The following NRG3 variants were observed in gnomAD, a reference collection of about 807,000 sequenced individuals.
NRG3 encodes the protein pro-neuregulin-3, membrane-bound isoform.
Under a neutral mutation model 66.9 loss-of-function variants are expected in NRG3, and 31 were observed. The ratio of observed to expected loss-of-function variants is 0.46; its 90% CI spans 0.35 to 0.63. NRG3 has a LOEUF of 0.63. Among genes scored for constraint, NRG3 ranks in the 20% least tolerant of loss-of-function variants. The pLI, the probability that NRG3 is intolerant of heterozygous loss-of-function variation, is 0.00. For synonymous variants in NRG3, 393 were observed against 359.4 expected, an observed-to-expected ratio of 1.09 and a Z score of -1.06; for missense variants, 910 against 878.9, an observed-to-expected ratio of 1.04 and a Z score of -0.45.
chr10:82,668,588 A>G (rs2052989110), intron 2 of NRG3, among the ~76,000 whole-genome samples: 1 of 152,116 alleles, frequency 6.6e-6, no homozygotes, highest in Non-Finnish European at 1.5e-5. Flanking sequence ...TGATGTGTCT[A>G]TTATTAGGAA....
intron 2 of NRG3, among the ~76,000 whole-genome samples, chr10:82,453,852 A>T (rs936214482): frequency 6.6e-6 from 1 of 152,136 alleles, no homozygotes; most frequent in African/African-American, 2.4e-5. Flanking sequence ...CTAAAGGGTT[A>T]GCTGCAGGGG....
chr10:82,364,148 A>G (rs1335864895), intron 2 of NRG3, among the ~76,000 whole-genome samples: 1 of 152,186 alleles, frequency 6.6e-6, no homozygotes, highest in Non-Finnish European at 1.5e-5. Flanking sequence ...ATTAAGAAAT[A>G]TAGATAGTGT....
intron 4 of NRG3, among the ~76,000 whole-genome samples, chr10:82,940,596 C>G (rs1848499415): frequency 6.6e-6 from 1 of 152,148 alleles, no homozygotes. Flanking sequence ...CACTGCATAG[C>G]TTATAAACAA....
Position 82,859,518 on chromosome 10 carries a change from T to C in NRG3, c.1028-5893T>C, listed in dbSNP as rs543984021. ...TCAAGGCAACGATGTTTTCGCTTGCTCTGTTGCAGCCTGCCCACCTCGGGG... is the reference window on the plus strand; with the variant it reads ...TCAAGGCAACGATGTTTTCGCTTGCCCTGTTGCAGCCTGCCCACCTCGGGG... On this transcript the variant is annotated intron_variant, in intron 3 of 8. Coordinates refer to ENST00000372141, the MANE Select transcript of NRG3 (RefSeq NM_001010848.4). Among the ~76,000 whole-genome samples, 3 of 152,300 alleles carry C rather than the reference T, an allele frequency of 2.0e-5. No homozygotes were observed. The South Asian group carries it at 6.2e-4, about 32-fold the overall frequency.
At chr10:82,200,820 T>A (rs1229174745) in intron 1 of NRG3, among the ~76,000 whole-genome samples, 1 of 152,080 alleles carries the variant, frequency 6.6e-6, no homozygotes, top group Non-Finnish European at 1.5e-5. Context: ...GGGCTTGCAA[T>A]GTCATGTCCT....
chr10:82,209,620 G>A (rs2075299882), intron 1 of NRG3, among the ~76,000 whole-genome samples: 1 of 152,152 alleles, frequency 6.6e-6, no homozygotes, highest in Non-Finnish European at 1.5e-5. Flanking sequence ...GCCATATAAT[G>A]ATGGGTAAGT....
intron 2 of NRG3, among the ~76,000 whole-genome samples, chr10:82,607,008 C>T (rs1354467404): frequency 1.3e-5 from 2 of 152,118 alleles, no homozygotes; most frequent in African/African-American, 2.4e-5. Context: ...CTTGGGGAGG[C>T]AGATTTGAGG....
At chr10:82,185,974 C>T (rs535050708) in intron 1 of NRG3, among the ~76,000 whole-genome samples, 154 of 152,288 alleles carry the variant, frequency 1.0e-3, no homozygotes, top group African/African-American at 3.3e-3. Context: ...CGTTTCCTCA[C>T]AGATATATCA....
At chr10:82,695,432 C>T (rs1383473644) in intron 2 of NRG3, among the ~76,000 whole-genome samples, 7 of 151,894 alleles carry the variant, frequency 4.6e-5, no homozygotes, top group South Asian at 4.2e-4. Flanking sequence ...ATAATAGGAT[C>T]GCAGTTTAAT....
intron 1 of NRG3, among the ~76,000 whole-genome samples, chr10:82,009,656 G>A (rs1204043107): frequency 1.3e-5 from 2 of 152,118 alleles, no homozygotes; most frequent in East Asian, 3.9e-4. Context: ...CACAAAAAAG[G>A]GATGCATGCA....
At chr10:82,090,602 A>C (rs2065970474) in intron 1 of NRG3, among the ~76,000 whole-genome samples, 1 of 152,198 alleles carries the variant, frequency 6.6e-6, no homozygotes, top group South Asian at 2.1e-4. Flanking sequence ...TATTTACAGC[A>C]TGATGCTGCC....
At chr10:82,682,155 CT>C (rs1444321044) in intron 2 of NRG3, among the ~76,000 whole-genome samples, 1 of 152,188 alleles carries the variant, frequency 6.6e-6, no homozygotes, top group Non-Finnish European at 1.5e-5. Flanking sequence ...AACAAAGAGA[CT>C]TTAAAGCGCT....
At position 82,985,804 on chromosome 10, in the gene NRG3, C is replaced by G. The variant is rs1227153873; in HGVS notation, c.*199C>G. 5.1e-6 allele frequency: 3 copies of G among 592,134 alleles called. No individual in the cohort carries two copies. The Admixed American group carries it at 9.8e-5, about 19-fold the overall frequency. 36.7% of individuals were successfully genotyped at this position (592,134 alleles called of 1,614,324 possible). On this transcript the variant is annotated 3_prime_UTR_variant, in exon 9 of 9. Transcript: ENST00000372141. ...ATGTTTCAGGAGGGATAAAGCTTAC[C>G]ATTAAAGCTTTTGGGTAGAATTCTG...
intron 3 of NRG3, among the ~76,000 whole-genome samples, chr10:82,860,743 A>G (rs2135916548): frequency 6.6e-6 from 1 of 152,366 alleles, no homozygotes; most frequent in Non-Finnish European, 1.5e-5. Flanking sequence ...TATATGTTCA[A>G]ACATATGTAT....
chr10:82,203,465 A>G (rs1271243519), intron 1 of NRG3, among the ~76,000 whole-genome samples: 2 of 152,154 alleles, frequency 1.3e-5, no homozygotes, highest in East Asian at 1.9e-4. Flanking sequence ...TGTAGTCACT[A>G]TGGAAGGTCA....
intron 1 of NRG3, among the ~76,000 whole-genome samples, chr10:82,017,219 A>C (rs936141875): frequency 6.6e-6 from 1 of 152,190 alleles, no homozygotes; most frequent in Non-Finnish European, 1.5e-5. Flanking sequence ...TTTGCTGAGA[A>C]TGACGGTTTC....
Position 81,921,454 on chromosome 10 carries a change from T to C in NRG3, c.823+45291T>C, listed in dbSNP as rs184897126. On this transcript the variant is annotated intron_variant, in intron 1 of 8. Coordinates refer to ENST00000372141, the MANE Select transcript of NRG3 (RefSeq NM_001010848.4). Reference sequence around the variant, plus strand: ...GTCTGCTTAATATCTATCTGGATTTTTCCCCAAGTCAAACCTCTTAGTCTT... The same window carrying C: ...GTCTGCTTAATATCTATCTGGATTTCTCCCCAAGTCAAACCTCTTAGTCTT... Among the ~76,000 whole-genome samples the C allele has an allele frequency of 1.6e-4, 24 of 152,264 alleles. 1 individual carries two copies. In the East Asian group the frequency reaches 4.4e-3, roughly 28 times the overall value.
At chr10:82,117,175 G>A (rs186752517) in intron 1 of NRG3, among the ~76,000 whole-genome samples, 175 of 152,178 alleles carry the variant, frequency 1.1e-3, no homozygotes, top group Non-Finnish European at 1.9e-3. Context: ...CCCCCAGGCG[G>A]AAATAGTTCC....
chr10:82,561,542 A>G (rs2045045079), intron 2 of NRG3, among the ~76,000 whole-genome samples: 1 of 152,106 alleles, frequency 6.6e-6, no homozygotes, highest in Non-Finnish European at 1.5e-5. Flanking sequence ...GGTCCCAGCT[A>G]CTTGGGAGGC....
Sources: allele counts gnomAD v4.1 joint callset (sites outside exome capture counted in the v4.1 genomes callset), GRCh38; gene constraint gnomAD v4.1.1; transcripts MANE v1.5; gene names NCBI Gene and HGNC (gene_info 2026-07-23, HGNC 2026-07-21).